CPNE4: variants seen among roughly 807,000 people sequenced by gnomAD.
CPNE4 encodes copine-4.
Under a neutral mutation model 67.9 loss-of-function variants are expected in CPNE4, and 25 were observed. The ratio of observed to expected loss-of-function variants is 0.37; its 90% confidence interval spans 0.27 to 0.51. The LOEUF (loss-of-function observed/expected upper bound fraction) is 0.51, where lower values mean the gene tolerates loss of function less well. Ranked by LOEUF, CPNE4 falls within the 20% of genes least tolerant of loss-of-function variation. The probability of loss-of-function intolerance (pLI) is 0.93; values close to 1 mark genes in which losing one functional copy is unlikely to be tolerated. For missense variants in CPNE4, 464 were observed against 690.8 expected (o/e 0.67, Z 3.68); for synonymous variants, 242 against 244.9 (o/e 0.99, Z 0.11).
intron 1 of CPNE4, among the ~76,000 whole-genome samples, chr3:131,972,264 C>G (rs1005132476): frequency 4.6e-5 from 7 of 152,210 alleles, no homozygotes; most frequent in Non-Finnish European, 1.0e-4. Context: ...GTCTCACTGG[C>G]AGCAACAAGT....
In CPNE4 at chr3:131,534,648, A is replaced by G. The variant is rs1457654158; in HGVS notation, c.*547T>C. The G allele has an allele frequency of 3.3e-5, 5 of 152,298 alleles. No individual in the cohort carries two copies. The highest frequency in any genetic ancestry group is 1.3e-4 in the Admixed American group (2 of 15,284). 9.4% of individuals were successfully genotyped at this position (152,298 alleles called of 1,614,324 possible). A position where few individuals can be genotyped will look rare whatever the true frequency, so the allele number is the denominator to read the frequency against. On this transcript the variant is annotated 3_prime_UTR_variant, in exon 16 of 16. Transcript: ENST00000429747. The stretch of plus-strand genomic sequence containing the variant: ...CTCACCTCAGAAAGAAGAAGTAAAT[A>G]AACCTCTTCTTTAGTAGAGAGACCA...
chr3:131,688,560 G>C (rs1189770794), intron 5 of CPNE4, among the ~76,000 whole-genome samples: 4 of 152,030 alleles, frequency 2.6e-5, no homozygotes, highest in African/African-American at 7.2e-5. Context: ...CGTGCCCTTG[G>C]GCTCCTCCTG....
intron 7 of CPNE4, among the ~76,000 whole-genome samples, chr3:131,640,894 C>T (rs1215946976): frequency 6.6e-6 from 1 of 152,040 alleles, no homozygotes; most frequent in African/African-American, 2.4e-5. Flanking sequence ...TTTGACAAAG[C>T]AAACAAAAAC....
At chr3:131,877,360 A>G (rs2087501027) in intron 2 of CPNE4, among the ~76,000 whole-genome samples, 1 of 152,184 alleles carries the variant, frequency 6.6e-6, no homozygotes, top group Non-Finnish European at 1.5e-5. Flanking sequence ...GGGGAGAAAA[A>G]AGGTAAGAAA....
At chr3:131,766,670 T>A (rs1054066381) in intron 2 of CPNE4, among the ~76,000 whole-genome samples, 2 of 152,062 alleles carry the variant, frequency 1.3e-5, no homozygotes, top group African/African-American at 4.8e-5. Context: ...ATAACACAAT[T>A]TGATGTTATA....
intron 1 of CPNE4, among the ~76,000 whole-genome samples, chr3:131,990,849 C>A (rs909507029): frequency 7.4e-6 from 1 of 135,642 alleles, no homozygotes; most frequent in African/African-American, 2.5e-5. Context: ...ATGGGAGGGA[C>A]CTGGTGGGAG....
chr3:131,884,193 C>T (rs1198661498), intron 2 of CPNE4, among the ~76,000 whole-genome samples: 1 of 152,148 alleles, frequency 6.6e-6, no homozygotes, highest in African/African-American at 2.4e-5. Context: ...AATAGGAATT[C>T]AATAAATGTT....
chr3:131,882,798 G>A (rs1473826369), intron 2 of CPNE4, among the ~76,000 whole-genome samples: 1 of 146,664 alleles, frequency 6.8e-6, no homozygotes, highest in East Asian at 2.0e-4. Context: ...CTCACTGCAA[G>A]CTCTGCCTCC....
intron 2 of CPNE4, among the ~76,000 whole-genome samples, chr3:131,806,761 G>T (rs1383928813): frequency 6.6e-6 from 1 of 152,230 alleles, no homozygotes. Flanking sequence ...CTAACATGTG[G>T]TCACTCCATG....
At chr3:131,651,224 T>C (rs1379624379) in intron 7 of CPNE4, among the ~76,000 whole-genome samples, 3 of 152,186 alleles carry the variant, frequency 2.0e-5, no homozygotes, top group Non-Finnish European at 4.4e-5. Flanking sequence ...CCCACATATA[T>C]GCAGGGTCCT....
intron 2 of CPNE4, among the ~76,000 whole-genome samples, chr3:131,809,641 A>C (rs2084450086): frequency 2.0e-5 from 3 of 152,282 alleles, no homozygotes; most frequent in Middle Eastern, 3.4e-3. Context: ...GTTAATGAAA[A>C]CCAGTGGAAT....
At chr3:131,972,927 A>G (rs540315298) in intron 1 of CPNE4, among the ~76,000 whole-genome samples, 1 of 152,300 alleles carries the variant, frequency 6.6e-6, no homozygotes, top group South Asian at 2.1e-4. Flanking sequence ...TTTTACTCCT[A>G]ATCTTTCTCT....
At position 131,978,063 on chromosome 3, in the gene CPNE4, A is replaced by G. The variant is rs776718378; in HGVS notation, c.-2+56504T>C. On this transcript the variant is annotated intron_variant, in intron 1 of 15. Coordinates refer to ENST00000429747, the MANE Select transcript of CPNE4 (RefSeq NM_130808.3). ...TTCCATCATAGATATATATAAATAT[A>G]TATAAATATATATAAATATATATAA... is the stretch of plus-strand genomic sequence containing the variant. Among the ~76,000 whole-genome samples, 56 of 32,994 alleles carry G rather than the reference A, an allele frequency of 1.7e-3. 5 individuals are homozygous for G. The Admixed American group carries it at 0.018, about 11-fold the overall frequency. 21.6% of individuals were successfully genotyped at this position (32,994 alleles called of 152,430 possible).
At chr3:131,791,730 T>A (rs1273150921) in intron 2 of CPNE4, among the ~76,000 whole-genome samples, 2 of 152,148 alleles carry the variant, frequency 1.3e-5, no homozygotes, top group African/African-American at 2.4e-5. Context: ...GGGTGGTGTT[T>A]CCCGATTTGA....
intron 11 of CPNE4, 44 bp downstream of exon 11, chr3:131,564,172 C>T (rs1398825540): frequency 5.0e-6 from 8 of 1,611,206 alleles, no homozygotes; most frequent in South Asian, 2.2e-5. Flanking sequence ...CGTCTGAACC[C>T]ACATGAGAGA....
At chr3:131,698,233 C>CAAAAAAAAAAAAAAAAAAAAAAAAAAAA (rs369274504) in intron 4 of CPNE4, among the ~76,000 whole-genome samples, 11 of 64,450 alleles carry the variant, frequency 1.7e-4, no homozygotes, top group African/African-American at 3.2e-4. Context: ...GGCTCTGTCT[C>CAAAAAAAAAAAAAAAAAAAAAAAAAAAA]AAAAAAAAAA....
chr3:131,687,832 G>T (rs956222212), intron 5 of CPNE4, among the ~76,000 whole-genome samples: 7 of 152,162 alleles, frequency 4.6e-5, no homozygotes, highest in Non-Finnish European at 1.0e-4. Context: ...CCTAGGGCTA[G>T]GTATAAATGA....
intron 1 of CPNE4, among the ~76,000 whole-genome samples, chr3:131,994,754 G>A (rs56368272): frequency 0.062 from 9,362 of 152,154 alleles, 865 homozygotes; most frequent in African/African-American, 0.21. Flanking sequence ...TATACACTGG[G>A]GAGATGGATA....
chr3:131,689,292 T>A (rs536362978), intron 5 of CPNE4, among the ~76,000 whole-genome samples: 1 of 152,206 alleles, frequency 6.6e-6, no homozygotes, highest in African/African-American at 2.4e-5. Context: ...GTCCATTGCC[T>A]GGTACACGGT....
Sources: gnomAD v4.1 joint callset for allele counts (sites outside exome capture counted in the v4.1 genomes callset) on GRCh38, gnomAD v4.1.1 for gene constraint, MANE v1.5 for transcripts, NCBI Gene and HGNC (gene_info 2026-07-23, HGNC 2026-07-21) for gene names.